Variants in AJM1 observed in about 807,000 individuals in gnomAD.
AJM1 encodes the protein uncharacterized protein C9orf172.
AJM1 carries 22 observed loss-of-function variants against 43.0 expected under a neutral mutation model. The ratio of observed to expected loss-of-function variants is 0.51; its 90% confidence interval spans 0.37 to 0.73. AJM1 has a LOEUF of 0.73. Ranked by LOEUF, AJM1 falls within the 30% of genes least tolerant of loss-of-function variation. The probability of loss-of-function intolerance (pLI) is 0.00; values close to 1 mark genes in which losing one functional copy is unlikely to be tolerated. For missense variants in AJM1, 1,305 were observed against 1,343.3 expected, an observed-to-expected ratio of 0.97 and a Z score of 0.45; for synonymous variants, 719 against 638.3, an observed-to-expected ratio of 1.13 and a Z score of -1.91.
In AJM1 at chr9:136,846,050, C is replaced by G. The variant is rs1018296194; in HGVS notation, c.1636C>G (p.Pro546Ala). 6.5e-7 allele frequency: 1 copy of G among 1,540,870 alleles called. No individual in the cohort carries two copies. Among genetic ancestry groups the G allele is most frequent in the Non-Finnish European group, 8.7e-7 (1 of 1,145,254 alleles). The change falls in exon 3 of 3, where the codon CCG (proline) becomes GCG (alanine). Residue 546 changes from proline to alanine, a missense_variant. By Grantham distance (27) the Pro-to-Ala change is conservative. This residue lies in a region of AJM1 where 653 missense variants were observed against 549.1 expected (regional missense o/e 1.19). Transcript: ENST00000436881. ...CAATGACCTGCGCGCCACCGAGCGC[C>G]CGAGCGCCAGGGCCTGGGAGTTGCC... is the stretch of plus-strand genomic sequence containing the variant. ...TDNDLRATER[P>A]SARAWELPGG...
intron 1 of AJM1, among the ~76,000 whole-genome samples, chr9:136,842,869 C>T (rs1164217621): frequency 9.9e-5 from 15 of 152,118 alleles, no homozygotes. Flanking sequence ...CTGCAGCCAG[C>T]AAGGCCGACT....
Position 136,844,216 on chromosome 9 carries a change from G to A in AJM1, c.-123G>A, listed in dbSNP as rs1848736537. On this transcript the variant is annotated 5_prime_UTR_variant, in exon 2 of 3. Coordinates refer to ENST00000436881, the MANE Select transcript of AJM1 (RefSeq NM_001080482.5). ...CGCAGGTGCTTCTGACCCCGGCATG[G>A]AGGAAGCGCCCGCGTTCTCGGCCCA... 6.6e-6 allele frequency among the ~76,000 whole-genome samples: 1 copy of A among 152,242 alleles called. No individual in the cohort carries two copies. The highest frequency in any genetic ancestry group is 6.5e-5 in the Admixed American group (1 of 15,288).
In AJM1 at chr9:136,845,238, C is replaced by G; in HGVS notation, c.824C>G (p.Pro275Arg). The G allele has an allele frequency of 6.3e-7, 1 of 1,598,714 alleles. No individual in the cohort carries two copies. The highest frequency in any genetic ancestry group is 1.1e-5 in the South Asian group (1 of 90,288). The part of the protein sequence containing the change: ...AERRSLPFTT[P>R]PGPTQFFYTE... ...CGCCGCAGTCTGCCCTTCACCACCC[C>G]GCCGGGCCCCACCCAGTTCTTCTAT... Residue 275 changes from proline to arginine, a missense_variant, in exon 3 of 3, where the codon CCG becomes CGG. This residue lies in a region of AJM1 where 653 missense variants were observed against 549.1 expected (regional missense o/e 1.19). Transcript: ENST00000436881.
Position 136,848,798 on chromosome 9 carries a change from T to A in AJM1, c.*1453T>A, listed in dbSNP as rs1166967970. On this transcript the variant is annotated 3_prime_UTR_variant, in exon 3 of 3. Coordinates refer to ENST00000436881, the MANE Select transcript of AJM1 (RefSeq NM_001080482.5). ...CGAACCAAGTAAAATAGAACTTGAA[T>A]GTAGCGGCTGCCGTTGCCTCCTTGT... The A allele has an allele frequency of 6.6e-6, 1 of 152,394 alleles. No individual in the cohort carries two copies. The highest frequency in any genetic ancestry group is 1.5e-5 in the Non-Finnish European group (1 of 68,094). The allele number at this position is 152,394 out of a possible 1,614,324, so 9.4% of individuals were successfully genotyped here.
At chr9:136,843,398 G>A (rs954910641) in intron 1 of AJM1, among the ~76,000 whole-genome samples, 15 of 152,228 alleles carry the variant, frequency 9.9e-5, no homozygotes, top group African/African-American at 3.4e-4. Context: ...AAATGGGGAG[G>A]GCCCTCTCCT....
rs1431155794 is a variant in AJM1, at chr9:136,848,782, T to TA, written c.*1441dup. ...AGGGGGCAAGAGCTTTCGAACCAAGTAAAATAGAACTTGAATGTAGCGGCT... is the reference window on the plus strand; with the variant it reads ...AGGGGGCAAGAGCTTTCGAACCAAGTAAAAATAGAACTTGAATGTAGCGGCT... On this transcript the variant is annotated 3_prime_UTR_variant, in exon 3 of 3. Transcript: ENST00000436881. 6.6e-6 allele frequency: 1 copy of TA among 152,222 alleles called. No individual in the cohort carries two copies. Among genetic ancestry groups the TA allele is most frequent in the African/African-American group, 2.4e-5 (1 of 41,356 alleles). 9.4% of individuals were successfully genotyped at this position (152,222 alleles called of 1,614,324 possible).
At chr9:136,843,217 A>AC (rs1044015911) in intron 1 of AJM1, among the ~76,000 whole-genome samples, 3 of 151,688 alleles carry the variant, frequency 2.0e-5, no homozygotes, top group African/African-American at 4.9e-5. Context: ...TCTGGGGTAG[A>AC]CCCCCCAGAC....
intron 1 of AJM1, among the ~76,000 whole-genome samples, chr9:136,843,091 A>G (rs921946908): frequency 6.6e-6 from 1 of 151,084 alleles, no homozygotes; most frequent in African/African-American, 2.4e-5. Context: ...TGCCAGCAGG[A>G]AGCCCCTGCA....
rs1848747925 is a variant in AJM1 at position 136,844,948 on chromosome 9, G to A, written c.534G>A (p.Ala178=). The part of the protein sequence containing the change: ...AGRCAPPEPP[A]GPAPHVRCRL... ...GCTGCGCACCGCCCGAGCCACCCGCGGGTCCCGCCCCCCACGTGCGCTGCC... is the reference window on the plus strand; with the variant it reads ...GCTGCGCACCGCCCGAGCCACCCGCAGGTCCCGCCCCCCACGTGCGCTGCC... The change falls in exon 3 of 3, where the codon GCG becomes GCA. Residue 178 remains alanine, a synonymous_variant. Coordinates refer to ENST00000436881, the MANE Select transcript of AJM1 (RefSeq NM_001080482.5). 4 of 454,900 alleles carry A rather than the reference G, an allele frequency of 8.8e-6. No individual in the cohort carries two copies. The highest frequency in any genetic ancestry group is 7.6e-6 in the Non-Finnish European group (2 of 262,466). The allele number at this position is 454,900 out of a possible 1,614,324, so 28.2% of individuals were successfully genotyped here. A position where few individuals can be genotyped will look rare whatever the true frequency, so the allele number is the denominator to read the frequency against.
chr9:136,846,192 C>T lies in AJM1; in HGVS notation c.1778C>T (p.Pro593Leu). The T allele has an allele frequency of 6.6e-7, 1 of 1,509,722 alleles. No individual in the cohort carries two copies. 93.5% of individuals were successfully genotyped at this position (1,509,722 alleles called of 1,614,324 possible). ...LITDLVIDSRPTAGQASEPAA... is the reference protein window; with the variant it reads ...LITDLVIDSRLTAGQASEPAA... Reference sequence around the variant, plus strand: ...ACGGACCTGGTCATCGACTCGCGACCCACCGCCGGCCAGGCCTCAGAGCCC... The same window carrying T: ...ACGGACCTGGTCATCGACTCGCGACTCACCGCCGGCCAGGCCTCAGAGCCC... The change falls in exon 3 of 3, where the codon CCC (proline) becomes CTC (leucine). Residue 593 changes from proline to leucine, a missense_variant. Pro to Leu is a moderately conservative substitution (Grantham distance 98, BLOSUM62 -3). Transcript: ENST00000436881.
Position 136,846,203 on chromosome 9 carries a change from C to G in AJM1, c.1789C>G (p.Gln597Glu), listed in dbSNP as rs1455278242. The G allele has an allele frequency of 6.6e-7, 1 of 1,504,606 alleles. No homozygotes were observed. Among genetic ancestry groups the G allele is most frequent in the Admixed American group, 2.1e-5 (1 of 47,042 alleles). 93.2% of individuals were successfully genotyped at this position (1,504,606 alleles called of 1,614,324 possible). A position where few individuals can be genotyped will look rare whatever the true frequency, so the allele number is the denominator to read the frequency against. ...LVIDSRPTAGQASEPAADCLG... is the reference protein window; with the variant it reads ...LVIDSRPTAGEASEPAADCLG... ...CATCGACTCGCGACCCACCGCCGGC[C>G]AGGCCTCAGAGCCCGCGGCCGACTG... Residue 597 changes from glutamine (Q) to glutamate (E), a missense_variant, in exon 3 of 3, where the codon CAG (glutamine) becomes GAG (glutamate). Gln to Glu is a conservative substitution (Grantham distance 29). This residue lies in a region of AJM1 where 391 missense variants were observed against 507.5 expected (regional missense o/e 0.77). Transcript: ENST00000436881.
Position 136,844,641 on chromosome 9 carries a change from C to A in AJM1, c.227C>A (p.Ala76Asp). ...CCGGAGCCACCGCCGCCGGAGTCCG[C>A]TGTGCCGCGCGCCCGGACCCGCGAA... ...TLPEPPPPES[A>D]VPRARTREAE... The change falls in exon 3 of 3, where the codon GCT (alanine) becomes GAT (aspartate). Residue 76 changes from alanine (A) to aspartate (D), a missense_variant. Ala to Asp is a moderately radical substitution (Grantham distance 126, BLOSUM62 -2). This residue lies in a region of AJM1 where 128 missense variants were observed against 120.6 expected (regional missense o/e 1.06). Coordinates refer to ENST00000436881, the MANE Select transcript of AJM1 (RefSeq NM_001080482.5). 2 of 1,515,544 alleles carry A rather than the reference C, an allele frequency of 1.3e-6. No individual in the cohort carries two copies. The allele number at this position is 1,515,544 out of a possible 1,614,324, so 93.9% of individuals were successfully genotyped here.
rs760566982 is a variant in AJM1 at position 136,845,579 on chromosome 9, G to A, written c.1165G>A (p.Ala389Thr). 2 of 1,587,442 alleles carry A rather than the reference G, an allele frequency of 1.3e-6. No individual in the cohort carries two copies. The highest frequency in any genetic ancestry group is 2.3e-5 in the East Asian group (1 of 43,678). Reference protein sequence around the residue: ...FGRYRERDVLARTYPHPRSSP... With the variant: ...FGRYRERDVLTRTYPHPRSSP... ...AAGGTACCGCGAGCGTGACGTCCTG[G>A]CTCGGACGTACCCGCACCCGCGCAG... The change falls in exon 3 of 3, where the codon GCT becomes ACT. Residue 389 changes from alanine (A) to threonine (T), a missense_variant. By Grantham distance (58) the Ala-to-Thr change is moderately conservative. Coordinates refer to ENST00000436881, the MANE Select transcript of AJM1 (RefSeq NM_001080482.5).
At position 136,845,563 on chromosome 9, in the gene AJM1, C is replaced by T; in HGVS notation, c.1149C>T (p.Arg383=). The T allele has an allele frequency of 6.3e-7, 1 of 1,590,934 alleles. No individual in the cohort carries two copies. Among genetic ancestry groups the T allele is most frequent in the Non-Finnish European group, 8.5e-7 (1 of 1,171,074 alleles). ...PFYTEDFGRY[R]ERDVLARTYP... is the part of the protein sequence containing the mutation. Reference sequence around the variant, plus strand: ...ACACGGAGGACTTCGGAAGGTACCGCGAGCGTGACGTCCTGGCTCGGACGT... The same window carrying T: ...ACACGGAGGACTTCGGAAGGTACCGTGAGCGTGACGTCCTGGCTCGGACGT... The change falls in exon 3 of 3, where the codon CGC becomes CGT. Residue 383 remains arginine, a synonymous_variant. Coordinates refer to ENST00000436881, the MANE Select transcript of AJM1 (RefSeq NM_001080482.5).
chr9:136,846,555 G>A lies in AJM1; in HGVS notation c.2141G>A (p.Arg714His), dbSNP rs1848777901. 1 of 1,593,320 alleles carries A rather than the reference G, an allele frequency of 6.3e-7. No individual in the cohort carries two copies. Among genetic ancestry groups the A allele is most frequent in the Non-Finnish European group, 8.5e-7 (1 of 1,177,262 alleles). Reference sequence around the variant, plus strand: ...CACAAGGCGCGCTGCGTGTACGGCCGCGTGGGCAGCGTGTGCCGCCACGTA... The same window carrying A: ...CACAAGGCGCGCTGCGTGTACGGCCACGTGGGCAGCGTGTGCCGCCACGTA... ...DAHKARCVYG[R>H]VGSVCRHVLQ... The change falls in exon 3 of 3, where the codon CGC (arginine) becomes CAC (histidine). Residue 714 changes from arginine to histidine, a missense_variant. This residue lies in a region of AJM1 where 391 missense variants were observed against 507.5 expected (regional missense o/e 0.77). Transcript: ENST00000436881.
chr9:136,847,317 G>A lies in AJM1; in HGVS notation c.2903G>A (p.Ser968Asn), dbSNP rs780008253. 2.0e-5 allele frequency: 30 copies of A among 1,532,200 alleles called. No homozygotes were observed. Among genetic ancestry groups the A allele is most frequent in the Middle Eastern group, 3.3e-4 (2 of 5,988 alleles). The allele number at this position is 1,532,200 out of a possible 1,614,324, so 94.9% of individuals were successfully genotyped here. The change falls in exon 3 of 3, where the codon AGC (serine) becomes AAC (asparagine). Residue 968 changes from serine (S) to asparagine (N), a missense_variant. By Grantham distance (46) the Ser-to-Asn change is conservative. This residue lies in a region of AJM1 where 116 missense variants were observed against 113.4 expected (regional missense o/e 1.02). Transcript: ENST00000436881. ...SEPRALDWVA[S>N]ANLLDDIM ...CCGCGCGCGCTCGACTGGGTGGCCA[G>A]CGCCAACCTGCTGGACGACATCATG...
chr9:136,844,888 C>G lies in AJM1; in HGVS notation c.474C>G (p.Pro158=). 1 of 234,830 alleles carries G rather than the reference C, an allele frequency of 4.3e-6. No homozygotes were observed. Among genetic ancestry groups the G allele is most frequent in the Non-Finnish European group, 8.0e-6 (1 of 124,234 alleles). The allele number at this position is 234,830 out of a possible 1,614,324, so 14.5% of individuals were successfully genotyped here. A position where few individuals can be genotyped will look rare whatever the true frequency, so the allele number is the denominator to read the frequency against. ...PIKLQPQRGG[P]GRVAPLCAAA... The stretch of plus-strand genomic sequence containing the variant: ...AGTTGCAGCCGCAGCGGGGCGGCCC[C>G]GGCCGCGTCGCGCCCCTGTGCGCCG... The change falls in exon 3 of 3, where the codon CCC becomes CCG. Residue 158 remains proline (P), a synonymous_variant. Transcript: ENST00000436881.
Position 136,845,286 on chromosome 9 carries a change from G to A in AJM1, c.872G>A (p.Arg291Gln). The A allele has an allele frequency of 1.2e-6, 2 of 1,610,084 alleles. No individual in the cohort carries two copies. The highest frequency in any genetic ancestry group is 1.7e-6 in the Non-Finnish European group (2 of 1,179,674). Residue 291 changes from arginine to glutamine, a missense_variant, in exon 3 of 3, where the codon CGG (arginine) becomes CAG (glutamine). Physicochemically the swap from Arg to Gln is conservative, Grantham distance 43 (BLOSUM62 1). This residue lies in a region of AJM1 where 653 missense variants were observed against 549.1 expected (regional missense o/e 1.19). Coordinates refer to ENST00000436881, the MANE Select transcript of AJM1 (RefSeq NM_001080482.5). ...TATACAGAGGAGCCCCAAGGCTTCC[G>A]GGGCAGCTTTGCAGCCAGTCCCGGC... ...FFYTEEPQGF[R>Q]GSFAASPGPT...
In AJM1 at chr9:136,846,610, G is replaced by T. The variant is rs1314443390; in HGVS notation, c.2196G>T (p.Val732=). 1 of 1,593,518 alleles carries T rather than the reference G, an allele frequency of 6.3e-7. No individual in the cohort carries two copies. The highest frequency in any genetic ancestry group is 8.5e-7 in the Non-Finnish European group (1 of 1,176,080). The change falls in exon 3 of 3, where the codon GTG becomes GTT. Residue 732 remains valine (V), a synonymous_variant. Coordinates refer to ENST00000436881, the MANE Select transcript of AJM1 (RefSeq NM_001080482.5). ...AGTTTTGCCGCGACAGCGGCCCGGT[G>T]CACCGCGCTTTCTCGCGCATCGCGC... ...VLQFCRDSGP[V]HRAFSRIARV... is the part of the protein sequence containing the mutation.
Sources: gnomAD v4.1 joint callset for allele counts (sites outside exome capture counted in the v4.1 genomes callset) on GRCh38, gnomAD v4.1.1 for gene constraint, gnomAD v4.1.1 regional missense constraint, MANE v1.5 for transcripts, NCBI Gene and HGNC (gene_info 2026-07-23, HGNC 2026-07-21) for gene names.